SRPK2: variants seen among roughly 807,000 people sequenced by gnomAD.
SRPK2 encodes the protein SRSF protein kinase 2, also known as SFRS protein kinase 2.
In SRPK2, 21 loss-of-function variants were observed where a neutral mutation model predicts 90.8. That is an observed-to-expected ratio of 0.23 (90% CI 0.16 to 0.33). SRPK2 has a LOEUF of 0.33. Ranked by LOEUF, SRPK2 falls within the 10% of genes least tolerant of loss-of-function variation. The pLI is 1.00. For synonymous variants in SRPK2, 288 were observed against 311.1 expected, an observed-to-expected ratio of 0.93 and a Z score of 0.78; for missense variants, 620 against 869.0, an observed-to-expected ratio of 0.71 and a Z score of 3.60.
chr7:105,157,896 C>T (rs1296032603), intron 7 of SRPK2, among the ~76,000 whole-genome samples: 1 of 151,930 alleles, frequency 6.6e-6, no homozygotes, highest in Non-Finnish European at 1.5e-5. Flanking sequence ...AGTGAGACCC[C>T]GTCTCTACAA....
At chr7:105,145,340 GCAGAAAA>G (rs1246127625) in intron 8 of SRPK2, 32 bp from the exon 9 acceptor site, 3 of 1,547,250 alleles carry the variant, frequency 1.9e-6, no homozygotes, top group Non-Finnish European at 2.6e-6. Flanking sequence ...TCTGTATTTA[GCAGAAAA>G]CAGACACATG....
chr7:105,126,674 T>C (rs1290438471), intron 14 of SRPK2, among the ~76,000 whole-genome samples: 2 of 152,150 alleles, frequency 1.3e-5, no homozygotes, highest in East Asian at 3.9e-4. Flanking sequence ...AGCACATCAA[T>C]GGTCAAAAGG....
In SRPK2 at chr7:105,149,351, G is replaced by A. The variant is rs181531920; in HGVS notation, c.622-2693C>T. On this transcript the variant is annotated intron_variant, in intron 7 of 15. Transcript: ENST00000393651. ...TAAATCTGGTGTACGTGCACGTCCA[G>A]TCATAGTACCTTCCCTTGAACTTAA... is the stretch of plus-strand genomic sequence containing the variant. Among the ~76,000 whole-genome samples, 24 of 152,288 alleles carry A rather than the reference G, an allele frequency of 1.6e-4. No individual in the cohort carries two copies. In the South Asian group the frequency reaches 3.5e-3, roughly 22 times the overall value.
At chr7:105,356,458 T>C (rs1817794324) in intron 2 of SRPK2, among the ~76,000 whole-genome samples, 1 of 152,102 alleles carries the variant, frequency 6.6e-6, no homozygotes, top group Non-Finnish European at 1.5e-5. Context: ...CAGTTTAGAG[T>C]GTTGTGACAA....
intron 2 of SRPK2, among the ~76,000 whole-genome samples, chr7:105,250,243 G>A (rs1043756950): frequency 2.0e-5 from 3 of 152,104 alleles, no homozygotes; most frequent in African/African-American, 7.2e-5. Context: ...GCTGAGGCAG[G>A]AGAATCACTT....
At chr7:105,350,858 G>A (rs1817092014) in intron 2 of SRPK2, among the ~76,000 whole-genome samples, 1 of 152,146 alleles carries the variant, frequency 6.6e-6, no homozygotes, top group South Asian at 2.1e-4. Context: ...CAGATTACAT[G>A]GCTATTAAGC....
intron 2 of SRPK2, among the ~76,000 whole-genome samples, chr7:105,368,385 T>C (rs1032338860): frequency 6.6e-6 from 1 of 152,180 alleles, no homozygotes; most frequent in African/African-American, 2.4e-5. Context: ...TTTTTACTTT[T>C]CCTCCCAGCA....
chr7:105,243,608 G>A (rs1268607406), intron 2 of SRPK2, among the ~76,000 whole-genome samples: 1 of 137,298 alleles, frequency 7.3e-6, no homozygotes, highest in Non-Finnish European at 1.5e-5. Flanking sequence ...TCCAGTCTGG[G>A]TAACAGAGAG....
intron 2 of SRPK2, among the ~76,000 whole-genome samples, chr7:105,240,941 T>C (rs1389191680): frequency 6.6e-6 from 1 of 152,202 alleles, no homozygotes; most frequent in Non-Finnish European, 1.5e-5. Flanking sequence ...TTATTCTGAC[T>C]TCATTTGCCT....
intron 15 of SRPK2, among the ~76,000 whole-genome samples, chr7:105,122,392 T>A (rs989725006): frequency 6.6e-6 from 1 of 152,204 alleles, no homozygotes; most frequent in African/African-American, 2.4e-5. Flanking sequence ...ATGATCATAG[T>A]AGCATCATTC....
chr7:105,342,392 AT>A (rs1159259171), intron 2 of SRPK2, among the ~76,000 whole-genome samples: 1 of 151,508 alleles, frequency 6.6e-6, no homozygotes, highest in Non-Finnish European at 1.5e-5. Context: ...GGGAAATGTG[AT>A]TTTTGTAGAA....
intron 2 of SRPK2, among the ~76,000 whole-genome samples, chr7:105,287,354 T>C (rs774521570): frequency 6.6e-6 from 1 of 151,612 alleles, no homozygotes; most frequent in Non-Finnish European, 1.5e-5. Flanking sequence ...ACAAAGTAGC[T>C]TGTAGAATAC....
intron 2 of SRPK2, among the ~76,000 whole-genome samples, chr7:105,388,264 GGCCGGAGCCCAGCGGCAGAC>G (rs1366064661): frequency 6.6e-6 from 1 of 151,774 alleles, no homozygotes; most frequent in African/African-American, 2.4e-5. Context: ...GCAGCGGGCG[GGCCGGAGCCCAGCGGCAGAC>G]GCCGGGGCCC....
At chr7:105,354,051 C>T (rs1421436589) in intron 2 of SRPK2, among the ~76,000 whole-genome samples, 1 of 152,190 alleles carries the variant, frequency 6.6e-6, no homozygotes, top group Non-Finnish European at 1.5e-5. Context: ...TCTTTGCTGG[C>T]CCAACAGCTG....
Position 105,142,042 on chromosome 7 carries a change from C to G in SRPK2, c.1509G>C (p.Thr503=). The change falls in exon 11 of 16, where the codon ACG becomes ACC. Residue 503 remains threonine, a synonymous_variant. Transcript: ENST00000393651. ...ESSPSHDRSR[T]VSASSTGDLP... ...AATCCCCAGTACTGGAGGCTGAAAC[C>G]GTTCTGCTTCTGTCATGGGATGGAC... 6.2e-7 allele frequency: 1 copy of G among 1,613,464 alleles called. No individual in the cohort carries two copies. The highest frequency in any genetic ancestry group is 8.5e-7 in the Non-Finnish European group (1 of 1,179,684).
At position 105,351,143 on chromosome 7, in the gene SRPK2, T is replaced by G. The variant is rs1817125318; in HGVS notation, c.71+37505A>C. ...TGAGTTAACGAATTTTAACGGATTA[T>G]CCTGGGAGTGCGACTGGTGGCTTTA... On this transcript the variant is annotated intron_variant, in intron 2 of 15. Transcript: ENST00000393651. Among the ~76,000 whole-genome samples the G allele has an allele frequency of 2.0e-5, 3 of 152,010 alleles. No homozygotes were observed. The South Asian group carries it at 6.2e-4, about 32-fold the overall frequency.
At chr7:105,196,236 C>A (rs1317878128) in intron 3 of SRPK2, among the ~76,000 whole-genome samples, 1 of 152,044 alleles carries the variant, frequency 6.6e-6, no homozygotes, top group Non-Finnish European at 1.5e-5. Flanking sequence ...TTGAATTAAG[C>A]CAAATTAAGC....
intron 2 of SRPK2, among the ~76,000 whole-genome samples, chr7:105,242,440 A>T (rs537193886): frequency 1.3e-5 from 2 of 152,236 alleles, no homozygotes; most frequent in South Asian, 4.1e-4. Flanking sequence ...TGAACCTGGG[A>T]GGCAGAGGTT....
chr7:105,351,191 G>C (rs1817132675), intron 2 of SRPK2, among the ~76,000 whole-genome samples: 1 of 152,014 alleles, frequency 6.6e-6, no homozygotes, highest in Non-Finnish European at 1.5e-5. Flanking sequence ...ACCTGAGCTA[G>C]CACACTCAGC....
Sources: allele counts gnomAD v4.1 joint callset (sites outside exome capture counted in the v4.1 genomes callset), GRCh38; gene constraint gnomAD v4.1.1; transcripts MANE v1.5; gene names NCBI Gene and HGNC (gene_info 2026-07-23, HGNC 2026-07-21).